RPE65: variants seen among roughly 807,000 people sequenced by gnomAD.
The protein encoded by RPE65 is retinoid isomerohydrolase.
In RPE65, 58 loss-of-function variants were observed where a neutral mutation model predicts 68.5. The observed-to-expected ratio is 0.85, with a 90% CI of 0.69 to 1.05. The LOEUF (loss-of-function observed/expected upper bound fraction) is 1.05. Among genes scored for constraint, RPE65 ranks in the 50% least tolerant of loss-of-function variants. The pLI is 0.00. For missense variants in RPE65, 643 were observed against 629.9 expected (o/e 1.02, Z -0.22); for synonymous variants, 220 against 222.2 (o/e 0.99, Z 0.09).
rs1360430900 is a variant in RPE65, at chr1:68,429,070, T to C, written c.*706A>G. On this transcript the variant is annotated 3_prime_UTR_variant, in exon 14 of 14. Coordinates refer to ENST00000262340, the MANE Select transcript of RPE65 (RefSeq NM_000329.3). ...ATGCTGTTTTTTTAAATATAGTCAC[T>C]ACTATATGTACTTGCTTTTATGTTA... 1 of 152,136 alleles carries C rather than the reference T, an allele frequency of 6.6e-6. No individual in the cohort carries two copies. Among genetic ancestry groups the C allele is most frequent in the Non-Finnish European group, 1.5e-5 (1 of 67,992 alleles). The allele number at this position is 152,136 out of a possible 1,614,324, so 9.4% of individuals were successfully genotyped here. A position where few individuals can be genotyped will look rare whatever the true frequency, so the allele number is the denominator to read the frequency against.
intron 2 of RPE65, among the ~76,000 whole-genome samples, chr1:68,447,279 T>C (rs563031427): frequency 6.6e-6 from 1 of 152,314 alleles, no homozygotes; most frequent in South Asian, 2.1e-4. Flanking sequence ...AGAATAAATG[T>C]ATTTTAAAAA....
At position 68,429,550 on chromosome 1, in the gene RPE65, G is replaced by A. The variant is rs1645805194; in HGVS notation, c.*226C>T. The A allele has an allele frequency of 1.3e-5, 7 of 548,208 alleles. No homozygotes were observed. Among genetic ancestry groups the A allele is most frequent in the Admixed American group, 3.1e-5 (1 of 32,296 alleles). The allele number at this position is 548,208 out of a possible 1,614,324, so 34.0% of individuals were successfully genotyped here. A position where few individuals can be genotyped will look rare whatever the true frequency, so the allele number is the denominator to read the frequency against. On this transcript the variant is annotated 3_prime_UTR_variant, in exon 14 of 14. Transcript: ENST00000262340. Reference sequence around the variant, plus strand: ...AAATATTTAAGAGTTTTTCAGTTATGGCCTGTCTCACAGAGGAAGTATGAT... The same window carrying A: ...AAATATTTAAGAGTTTTTCAGTTATAGCCTGTCTCACAGAGGAAGTATGAT...
intron 6 of RPE65, among the ~76,000 whole-genome samples, 181 bp from the exon 7 acceptor site, chr1:68,439,823 C>G (rs1343906860): frequency 6.6e-6 from 1 of 152,062 alleles, no homozygotes; most frequent in African/African-American, 2.4e-5. Context: ...CAAAATCACC[C>G]AGGAAAATCC....
chr1:68,434,414 A>AT (rs1248103213), intron 10 of RPE65, among the ~76,000 whole-genome samples: 3 of 151,712 alleles, frequency 2.0e-5, no homozygotes, highest in Non-Finnish European at 2.9e-5. Flanking sequence ...AAGACAGGAG[A>AT]TTTTTTCTGG....
Position 68,444,825 on chromosome 1 carries a change from C to A in RPE65, c.304G>T (p.Glu102Ter), listed in dbSNP as rs62642584. ...AMTEKRIVIT[E>*]FGTCAFPDPC... ...TCTGGGAAAGCACAGGTGCCAAATT[C>A]TGTTATGACGATCCTTTTCTCAGTC... The change falls in exon 4 of 14, where the codon GAA (glutamate) becomes TAA (stop). Residue 102 changes from glutamate to a stop codon, truncating the protein, a stop_gained. Transcript: ENST00000262340. LOFTEE classifies it high-confidence loss of function. The A allele has an allele frequency of 2.2e-5, 35 of 1,613,946 alleles. No homozygotes were observed. Among genetic ancestry groups the A allele is most frequent in the Non-Finnish European group, 2.5e-5 (29 of 1,180,028 alleles).
chr1:68,432,906 A>G (rs1571159948), intron 10 of RPE65, among the ~76,000 whole-genome samples: 1 of 152,304 alleles, frequency 6.6e-6, no homozygotes, highest in East Asian at 1.9e-4. Context: ...TGGAGGACAG[A>G]GTCAAGAAGA....
intron 10 of RPE65, among the ~76,000 whole-genome samples, chr1:68,436,414 C>CT (rs1315310164): frequency 1.3e-5 from 2 of 151,632 alleles, no homozygotes; most frequent in Non-Finnish European, 2.9e-5. Flanking sequence ...AAAATTTATT[C>CT]TTTTTTCTAC....
intron 10 of RPE65, among the ~76,000 whole-genome samples, 195 bp downstream of exon 10, chr1:68,437,992 C>G (rs1557599247): frequency 1.3e-5 from 2 of 152,136 alleles, no homozygotes; most frequent in Non-Finnish European, 2.9e-5. Flanking sequence ...GCTGCAGTTG[C>G]TTTTGCTAAG....
chr1:68,437,620 C>G (rs1219202358), intron 10 of RPE65, among the ~76,000 whole-genome samples: 2 of 152,154 alleles, frequency 1.3e-5, no homozygotes, highest in Admixed American at 1.3e-4. Flanking sequence ...GTATTTCCAT[C>G]ACACTACAAA....
chr1:68,429,590 C>A lies in RPE65; in HGVS notation c.*186G>T. On this transcript the variant is annotated 3_prime_UTR_variant, in exon 14 of 14. Transcript: ENST00000262340. The stretch of plus-strand genomic sequence containing the variant: ...GGAAGTATGATTATCTAAATACGTA[C>A]TTTTTTTTTTAAATAAAGGAATTGC... The A allele has an allele frequency of 3.5e-6, 2 of 579,500 alleles. No homozygotes were observed. Among genetic ancestry groups the A allele is most frequent in the Non-Finnish European group, 5.9e-6 (2 of 336,954 alleles). 35.9% of individuals were successfully genotyped at this position (579,500 alleles called of 1,614,324 possible).
At chr1:68,436,126 C>T (rs1383221288) in intron 10 of RPE65, among the ~76,000 whole-genome samples, 1 of 152,004 alleles carries the variant, frequency 6.6e-6, no homozygotes, top group East Asian at 1.9e-4. Context: ...TTAAGTGATC[C>T]TCTTTTATTT....
rs747122876 is a variant in RPE65, at chr1:68,440,920, A to T, written c.576T>A (p.Ile192=). Residue 192 remains isoleucine, a synonymous_variant, in exon 6 of 14, where the codon ATT becomes ATA. Transcript: ENST00000262340. ...HIENDGTVYN[I]GNCFGKNFSI... is the part of the protein sequence containing the mutation. ...AAAAATTTTTTCCAAAGCAATTACC[A>T]ATATTGTAAACGGTTCCATCATTTT... 13 of 1,613,934 alleles carry T rather than the reference A, an allele frequency of 8.1e-6. 1 individual carries two copies. The highest frequency in any genetic ancestry group is 1.1e-5 in the Non-Finnish European group (13 of 1,179,948).
intron 1 of RPE65, among the ~76,000 whole-genome samples, chr1:68,449,012 C>G (rs1645962920): frequency 1.3e-5 from 2 of 152,090 alleles, no homozygotes; most frequent in African/African-American, 4.8e-5. Context: ...TTAATCCTGT[C>G]CTCTGCAGTT....
At chr1:68,430,974 A>G (rs1429684213) in intron 13 of RPE65, 91 bp downstream of exon 13, 1 of 974,700 alleles carries the variant, frequency 1.0e-6, no homozygotes, top group East Asian at 2.4e-5. Context: ...TTTGAGTATT[A>G]CGGAATAATC....
chr1:68,447,221 C>T lies in RPE65; in HGVS notation c.95-361G>A, dbSNP rs1278183816. On this transcript the variant is annotated intron_variant, in intron 2 of 13. Coordinates refer to ENST00000262340, the MANE Select transcript of RPE65 (RefSeq NM_000329.3). Reference sequence around the variant, plus strand: ...CATTTTTAAGAAGATTTTCAAATTTCTTGATATATTTTAGTGGAGTGAGGA... The same window carrying T: ...CATTTTTAAGAAGATTTTCAAATTTTTTGATATATTTTAGTGGAGTGAGGA... 2.0e-5 allele frequency among the ~76,000 whole-genome samples: 3 copies of T among 152,196 alleles called. No homozygotes were observed. In the East Asian group the frequency reaches 5.8e-4, roughly 29 times the overall value.
chr1:68,439,684 A>G, intron 6 of RPE65, 42 bp from the exon 7 acceptor site: 3 of 1,288,172 alleles, frequency 2.3e-6, no homozygotes, highest in Non-Finnish European at 3.2e-6. Context: ...AGAGCCTCTT[A>G]TTTTTTTTTT....
intron 10 of RPE65, among the ~76,000 whole-genome samples, chr1:68,432,875 G>A (rs987131647): frequency 6.6e-6 from 1 of 152,160 alleles, no homozygotes; most frequent in South Asian, 2.1e-4. Flanking sequence ...TAGCATTGCA[G>A]TCAGTGAGAA....
chr1:68,438,442 G>T, intron 9 of RPE65, 126 bp from the exon 10 acceptor site: 1 of 1,132,058 alleles, frequency 8.8e-7, no homozygotes, highest in Non-Finnish European at 1.3e-6. Context: ...CTGCTATTGA[G>T]CCAGGTGTAT....
intron 5 of RPE65, among the ~76,000 whole-genome samples, chr1:68,443,960 G>C (rs1000435208): frequency 3.4e-4 from 51 of 152,136 alleles, no homozygotes; most frequent in African/African-American, 1.2e-3. Context: ...ATAAGAAGGG[G>C]CAAATTAGTG....
Sources: allele counts gnomAD v4.1 joint callset (sites outside exome capture counted in the v4.1 genomes callset), GRCh38; gene constraint gnomAD v4.1.1; transcripts MANE v1.5; gene names NCBI Gene and HGNC (gene_info 2026-07-23, HGNC 2026-07-21).